Variants in RNF216 observed in about 807,000 individuals in gnomAD.
RNF216 encodes E3 ubiquitin-protein ligase RNF216.
Under a neutral mutation model 110.8 loss-of-function variants are expected in RNF216, and 72 were observed. The ratio of observed to expected loss-of-function variants is 0.65; its 90% confidence interval spans 0.54 to 0.79. RNF216 has a LOEUF of 0.79. Ranked by LOEUF, RNF216 falls within the 30% of genes least tolerant of loss-of-function variation. RNF216 has a pLI of 0.00. For synonymous variants in RNF216, 495 were observed against 407.5 expected, an observed-to-expected ratio of 1.21 and a Z score of -2.59; for missense variants, 1,342 against 1,141.2, an observed-to-expected ratio of 1.18 and a Z score of -2.54.
chr7:5,759,681 G>C (rs1226597436), intron 2 of RNF216, among the ~76,000 whole-genome samples: 1 of 132,678 alleles, frequency 7.5e-6, no homozygotes, highest in Non-Finnish European at 1.5e-5. Context: ...GCCCAGGCTG[G>C]AGTGCAGTGG....
intron 13 of RNF216, among the ~76,000 whole-genome samples, chr7:5,684,608 C>T (rs1340898838): frequency 6.6e-6 from 1 of 152,168 alleles, no homozygotes; most frequent in Non-Finnish European, 1.5e-5. Context: ...AAGCCCATCC[C>T]ATGTAGCCAC....
intron 13 of RNF216, among the ~76,000 whole-genome samples, chr7:5,670,326 C>T (rs1270091480): frequency 1.3e-5 from 2 of 152,156 alleles, no homozygotes; most frequent in Admixed American, 6.5e-5. Flanking sequence ...CATGCCTGAC[C>T]ACAGTGCTGC....
At chr7:5,743,423 G>C (rs916670945) in intron 3 of RNF216, among the ~76,000 whole-genome samples, 1 of 152,144 alleles carries the variant, frequency 6.6e-6, no homozygotes, top group Admixed American at 6.5e-5. Flanking sequence ...TTGTCCCTGA[G>C]TGAATGGTTA....
Position 5,730,929 on chromosome 7 carries a change from C to T in RNF216, c.1122-112G>A, listed in dbSNP as rs73341641. On this transcript the variant is annotated intron_variant, in intron 5 of 16. Transcript: ENST00000389902. ...TCCTTAGTCACACATTACAACTGGCCTATCAAGAAATTAAGATGTTTGTAG... is the reference window on the plus strand; with the variant it reads ...TCCTTAGTCACACATTACAACTGGCTTATCAAGAAATTAAGATGTTTGTAG... The T allele has an allele frequency of 0.01, 14,507 of 1,439,302 alleles. 1,139 individuals are homozygous for T. The African/African-American group carries it at 0.19, about 19-fold the overall frequency. The allele number at this position is 1,439,302 out of a possible 1,614,324, so 89.2% of individuals were successfully genotyped here. A position where few individuals can be genotyped will look rare whatever the true frequency, so the allele number is the denominator to read the frequency against.
At chr7:5,757,991 T>G (rs916663524) in intron 2 of RNF216, among the ~76,000 whole-genome samples, 1 of 152,148 alleles carries the variant, frequency 6.6e-6, no homozygotes, top group African/African-American at 2.4e-5. Flanking sequence ...AGACCCTCTC[T>G]TGATTAAAGA....
intron 5 of RNF216, among the ~76,000 whole-genome samples, chr7:5,738,594 G>C (rs1157280884): frequency 6.6e-6 from 1 of 151,100 alleles, no homozygotes; most frequent in Admixed American, 6.6e-5. Context: ...TGTAGTCCCA[G>C]CTACTCGGGA....
At chr7:5,647,545 G>A (rs865932931) in intron 14 of RNF216, among the ~76,000 whole-genome samples, 33 of 151,840 alleles carry the variant, frequency 2.2e-4, no homozygotes, top group South Asian at 6.2e-4. Context: ...TGTTGCCCAG[G>A]CTGGTCTTCA....
chr7:5,646,703 AAAGAAAGTTATTTTTGT>A lies in RNF216; in HGVS notation c.2160-5344_2160-5328del, dbSNP rs752145607. On this transcript the variant is annotated intron_variant, in intron 14 of 16. Coordinates refer to ENST00000389902, the MANE Select transcript of RNF216 (RefSeq NM_207111.4). ...CGAGACTCCATCTTAAAAAAAAAAA[AAAGAAAGTTATTTTTGT>A]AAAGACTATTCCTTGTTATGTGTGG... Among the ~76,000 whole-genome samples, 20 of 152,196 alleles carry A rather than the reference AAAGAAAGTTATTTTTGT, an allele frequency of 1.3e-4. No homozygotes were observed. The East Asian group carries it at 2.7e-3, about 21-fold the overall frequency.
intron 3 of RNF216, among the ~76,000 whole-genome samples, chr7:5,742,039 T>A (rs1470276029): frequency 6.6e-6 from 1 of 152,144 alleles, no homozygotes; most frequent in Non-Finnish European, 1.5e-5. Flanking sequence ...GAGATATAGT[T>A]TGAATTATAA....
chr7:5,780,071 A>G (rs1401023087), intron 1 of RNF216: 2 of 152,168 alleles, frequency 1.3e-5, no homozygotes, highest in Non-Finnish European at 2.9e-5. Context: ...CAGCTGGAGA[A>G]TAGATGAGCT....
At chr7:5,704,253 G>A (rs779340301) in intron 13 of RNF216, among the ~76,000 whole-genome samples, 6 of 152,004 alleles carry the variant, frequency 3.9e-5, no homozygotes, top group African/African-American at 7.3e-5. Context: ...TAATATAAAC[G>A]CCTCATTTCA....
chr7:5,742,281 A>C (rs893865121), intron 3 of RNF216, among the ~76,000 whole-genome samples: 2 of 152,144 alleles, frequency 1.3e-5, no homozygotes, highest in African/African-American at 4.8e-5. Flanking sequence ...TCCTGGCCTC[A>C]AGTGATCCGC....
chr7:5,651,509 G>C (rs1000888892), intron 14 of RNF216, among the ~76,000 whole-genome samples: 2 of 152,162 alleles, frequency 1.3e-5, no homozygotes, highest in Non-Finnish European at 2.9e-5. Context: ...CAGGATTACA[G>C]GCCTGAGCTA....
intron 5 of RNF216, among the ~76,000 whole-genome samples, chr7:5,738,498 G>A (rs1410352500): frequency 6.6e-6 from 1 of 152,110 alleles, no homozygotes; most frequent in Non-Finnish European, 1.5e-5. Context: ...CACGAGGTCA[G>A]GAGATCGAGA....
intron 1 of RNF216, among the ~76,000 whole-genome samples, chr7:5,768,907 C>A (rs1193733522): frequency 6.6e-6 from 1 of 151,672 alleles, no homozygotes; most frequent in Non-Finnish European, 1.5e-5. Flanking sequence ...GTGATCCACC[C>A]GCCTCGACCT....
chr7:5,761,933 A>G (rs1279602419), intron 1 of RNF216, among the ~76,000 whole-genome samples: 3 of 152,244 alleles, frequency 2.0e-5, no homozygotes, highest in Non-Finnish European at 2.9e-5. Flanking sequence ...TACGCCCTAA[A>G]TTACAAATGT....
chr7:5,734,832 A>ATAAAT (rs1308767656), intron 5 of RNF216, among the ~76,000 whole-genome samples: 90 of 124,468 alleles, frequency 7.2e-4, no homozygotes, highest in South Asian at 1.5e-3. Context: ...CTCAAAATAA[A>ATAAAT]TAAATAAATA....
At chr7:5,702,221 G>T (rs1215176214) in intron 13 of RNF216, among the ~76,000 whole-genome samples, 2 of 152,156 alleles carry the variant, frequency 1.3e-5, no homozygotes, top group African/African-American at 4.8e-5. Context: ...CCTGCAGAGG[G>T]AGTGGGAGTG....
intron 13 of RNF216, among the ~76,000 whole-genome samples, chr7:5,709,320 A>G (rs7796461): frequency 0.82 from 124,867 of 152,224 alleles, 53,102 homozygotes; most frequent in Middle Eastern, 0.92. Context: ...GCTTCCTCCC[A>G]ATCACATGGT....
Sources: gnomAD v4.1 joint callset for allele counts (sites outside exome capture counted in the v4.1 genomes callset) on GRCh38, gnomAD v4.1.1 for gene constraint, MANE v1.5 for transcripts, NCBI Gene and HGNC (gene_info 2026-07-23, HGNC 2026-07-21) for gene names.